The following SEC13 variants were observed in gnomAD, a reference collection of about 807,000 sequenced individuals.
The protein encoded by SEC13 is SEC13 homolog, nuclear pore and COPII component.
In SEC13, 25 loss-of-function variants were observed where a neutral mutation model predicts 49.2. That is an observed-to-expected ratio of 0.51 (90% CI 0.37 to 0.71). The LOEUF is 0.71. SEC13 is among the 30% of genes least tolerant of loss of function. The pLI is 0.00. For synonymous variants in SEC13, 148 were observed against 163.9 expected, an observed-to-expected ratio of 0.90 and a Z score of 0.74; for missense variants, 383 against 417.6, an observed-to-expected ratio of 0.92 and a Z score of 0.72.
At chr3:10,310,211 C>T (rs1701165917) in intron 5 of SEC13, among the ~76,000 whole-genome samples, 1 of 152,168 alleles carries the variant, frequency 6.6e-6, no homozygotes, top group South Asian at 2.1e-4. Context: ...ACAATAAGGG[C>T]CGGGTGTGGT....
chr3:10,301,238 G>T lies in SEC13; in HGVS notation c.*23C>A. On this transcript the variant is annotated 3_prime_UTR_variant, in exon 9 of 9. Coordinates refer to ENST00000350697, the MANE Select transcript of SEC13 (RefSeq NM_183352.3). ...GGGCAGTCCTGGAGCTGGCGGGTGG[G>T]GAGCCAGGCCCCACCTGTCTTGTCA... The T allele has an allele frequency of 6.2e-7, 1 of 1,614,156 alleles. No homozygotes were observed. Among genetic ancestry groups the T allele is most frequent in the Non-Finnish European group, 8.5e-7 (1 of 1,180,020 alleles).
At chr3:10,315,480 TGGG>T in intron 2 of SEC13, 44 bp from the exon 3 acceptor site, 1 of 3,906 alleles carries the variant, frequency 2.6e-4, no homozygotes, top group Non-Finnish European at 4.8e-4. Flanking sequence ...GCTGGGTGGG[TGGG>T]TGGGTGGGGT....
At chr3:10,304,617 G>T (rs1700748298) in intron 7 of SEC13, among the ~76,000 whole-genome samples, 1 of 152,186 alleles carries the variant, frequency 6.6e-6, no homozygotes, top group Admixed American at 6.5e-5. Flanking sequence ...CTCCCTCTAG[G>T]GTGGTGGTGT....
chr3:10,301,880 T>C (rs916422901), intron 8 of SEC13, among the ~76,000 whole-genome samples: 24 of 152,240 alleles, frequency 1.6e-4, no homozygotes, highest in African/African-American at 5.3e-4. Flanking sequence ...TGAAGTAAAC[T>C]GTATAAGAAA....
intron 1 of SEC13, among the ~76,000 whole-genome samples, chr3:10,319,886 A>G: frequency 1.3e-5 from 1 of 78,610 alleles, no homozygotes; most frequent in Non-Finnish European, 2.4e-5. Flanking sequence ...GGAGAGGGAG[A>G]GGAAGGGGGG....
chr3:10,311,615 A>T, intron 5 of SEC13: 1 of 1,086,650 alleles, frequency 9.2e-7, no homozygotes, highest in Non-Finnish European at 1.1e-6. Context: ...TAGCTCACAT[A>T]CTTTTTAAAA....
chr3:10,301,388 C>T lies in SEC13; in HGVS notation c.856-14G>A, dbSNP rs779050604. ...CCACAGGGTCACCTGCGAGTCAGTG[C>T]ACAAGCAGATTATCACGGGTCTGTG... On this transcript the variant is annotated splice_polypyrimidine_tract_variant and intron_variant, in intron 8 of 8. Transcript: ENST00000350697. 13 of 1,614,014 alleles carry T rather than the reference C, an allele frequency of 8.1e-6. No homozygotes were observed. The highest frequency in any genetic ancestry group is 1.3e-5 in the African/African-American group (1 of 74,918).
rs768669768 is a variant in SEC13, at chr3:10,311,964, C to T, written c.450+1G>A. 5.0e-6 allele frequency: 8 copies of T among 1,614,080 alleles called. No individual in the cohort carries two copies. The highest frequency in any genetic ancestry group is 5.9e-6 in the Non-Finnish European group (7 of 1,180,028). ...GCACGAAAGGCAGGGGATGGACTCA[C>T]GGTGTGAGCGTTGTTGATCTTCTTT... On this transcript the variant is annotated splice_donor_variant, in intron 5 of 8. Coordinates refer to ENST00000350697, the MANE Select transcript of SEC13 (RefSeq NM_183352.3). LOFTEE classifies it high-confidence loss of function.
At chr3:10,320,461 G>T (rs866115298) in intron 1 of SEC13, 62 of 957,204 alleles carry the variant, frequency 6.5e-5, no homozygotes, top group Middle Eastern at 5.3e-4. Flanking sequence ...CCCTGCCTTC[G>T]GAGGGTCGTT....
rs1450002854 is a variant in SEC13, at chr3:10,311,981, ATCT to A, written c.431_433del (p.Lys144del). ...TGGACTCACGGTGTGAGCGTTGTTGATCTTCTTTACTTCCCATTGGCCTTCCCC... is the reference window on the plus strand; with the variant it reads ...TGGACTCACGGTGTGAGCGTTGTTGATCTTTACTTCCCATTGGCCTTCCCC... On this transcript the variant is annotated inframe_deletion, in exon 5 of 9. Transcript: ENST00000350697. 2.5e-6 allele frequency: 4 copies of A among 1,614,136 alleles called. No homozygotes were observed. Among genetic ancestry groups the A allele is most frequent in the East Asian group, 2.2e-5 (1 of 44,880 alleles).
In SEC13 at chr3:10,321,080, C is replaced by T. The variant is rs779810461; in HGVS notation, c.-28G>A. The stretch of plus-strand genomic sequence containing the variant: ...TTGCGGCGGTGGCTGCTCCAGGTCT[C>T]GGACGTGGCAGCTCCCGGCGGCGCC... On this transcript the variant is annotated 5_prime_UTR_variant, in exon 1 of 9. Coordinates refer to ENST00000350697, the MANE Select transcript of SEC13 (RefSeq NM_183352.3). This position sits in a 1 kb window ranked among gnomAD's most constrained non-coding sequence, Gnocchi z 4.1. 6.2e-7 allele frequency: 1 copy of T among 1,612,710 alleles called. No homozygotes were observed. Among genetic ancestry groups the T allele is most frequent in the Non-Finnish European group, 8.5e-7 (1 of 1,179,700 alleles).
intron 1 of SEC13, 80 bp downstream of exon 1, chr3:10,320,970 G>C: frequency 6.3e-7 from 1 of 1,592,954 alleles, no homozygotes; most frequent in Non-Finnish European, 8.5e-7. Flanking sequence ...TGGGATTTGG[G>C]ACTCAGGACG....
Position 10,312,158 on chromosome 3 carries a change from C to T in SEC13, c.317-60G>A, listed in dbSNP as rs868481287. The T allele has an allele frequency of 7.2e-6, 11 of 1,521,366 alleles. No homozygotes were observed. In the African/African-American group the frequency reaches 1.4e-4, roughly 19 times the overall value. The allele number at this position is 1,521,366 out of a possible 1,614,324, so 94.2% of individuals were successfully genotyped here. On this transcript the variant is annotated intron_variant, in intron 4 of 8. Transcript: ENST00000350697. ...GGGAGACCGCGGCCCCAGGTCCCGC[C>T]TTCCACAGATTTACTGTTTTACTAA...
chr3:10,320,474 G>A lies in SEC13; in HGVS notation c.3+576C>T, dbSNP rs140584426. 29 of 980,636 alleles carry A rather than the reference G, an allele frequency of 3.0e-5. No individual in the cohort carries two copies. The African/African-American group carries it at 5.1e-4, about 17-fold the overall frequency. The allele number at this position is 980,636 out of a possible 1,614,324, so 60.7% of individuals were successfully genotyped here. ...GCCCCTGCCTTCGGAGGGTCGTTCA[G>A]GCCATCTTTACGTTTCCCGAGGTGC... On this transcript the variant is annotated intron_variant, in intron 1 of 8. Transcript: ENST00000350697.
At position 10,300,963 on chromosome 3, in the gene SEC13, G is replaced by GGAAACAAAACCCCCCAAA; in HGVS notation, c.*280_*297dup. The stretch of plus-strand genomic sequence containing the variant: ...CAATATGACTTTATTTAGTTCCTTT[G>GGAAACAAAACCCCCCAAA]GAAACAAAACCCCCCAAATAATGCC... On this transcript the variant is annotated 3_prime_UTR_variant, in exon 9 of 9. Coordinates refer to ENST00000350697, the MANE Select transcript of SEC13 (RefSeq NM_183352.3). The GGAAACAAAACCCCCCAAA allele has an allele frequency of 4.0e-6, 4 of 998,104 alleles. No individual in the cohort carries two copies. The highest frequency in any genetic ancestry group is 6.0e-6 in the Non-Finnish European group (4 of 662,990). 61.8% of individuals were successfully genotyped at this position (998,104 alleles called of 1,614,324 possible).
At position 10,301,225 on chromosome 3, in the gene SEC13, A is replaced by G. The variant is rs1559487940; in HGVS notation, c.*36T>C. 6.2e-7 allele frequency: 1 copy of G among 1,614,028 alleles called. No homozygotes were observed. Among genetic ancestry groups the G allele is most frequent in the East Asian group, 2.2e-5 (1 of 44,874 alleles). Reference sequence around the variant, plus strand: ...TTGGCCCAGGAAGGGGCAGTCCTGGAGCTGGCGGGTGGGGAGCCAGGCCCC... The same window carrying G: ...TTGGCCCAGGAAGGGGCAGTCCTGGGGCTGGCGGGTGGGGAGCCAGGCCCC... On this transcript the variant is annotated 3_prime_UTR_variant, in exon 9 of 9. Coordinates refer to ENST00000350697, the MANE Select transcript of SEC13 (RefSeq NM_183352.3).
intron 6 of SEC13, 194 bp from the exon 7 acceptor site, chr3:10,305,350 CAA>C (rs1222248078): frequency 4.1e-5 from 44 of 1,081,014 alleles, no homozygotes; most frequent in Non-Finnish European, 3.0e-5. Context: ...CTTCCACAGC[CAA>C]AGAGTCAGCT....
Position 10,301,115 on chromosome 3 carries a change from A to C in SEC13, c.*146T>G. On this transcript the variant is annotated 3_prime_UTR_variant, in exon 9 of 9. Coordinates refer to ENST00000350697, the MANE Select transcript of SEC13 (RefSeq NM_183352.3). ...AGCATCTCCGATCACGTTAAGGCAG[A>C]TGATCAATCTGTGGCTGCATCTGTA... 6.2e-7 allele frequency: 1 copy of C among 1,613,638 alleles called. No homozygotes were observed. Among genetic ancestry groups the C allele is most frequent in the Non-Finnish European group, 8.5e-7 (1 of 1,179,884 alleles).
At chr3:10,312,785 T>C (rs1701362709) in intron 3 of SEC13, 55 bp from the exon 4 acceptor site, 1 of 1,576,868 alleles carries the variant, frequency 6.3e-7, no homozygotes, top group Non-Finnish European at 8.7e-7. Flanking sequence ...AGGCACTACT[T>C]TGGACAGAAC....
Sources: allele counts gnomAD v4.1 joint callset (sites outside exome capture counted in the v4.1 genomes callset), GRCh38; gene constraint gnomAD v4.1.1; non-coding constraint Gnocchi (gnomAD v3.1); transcripts MANE v1.5; gene names NCBI Gene and HGNC (gene_info 2026-07-23, HGNC 2026-07-21).